FOXN3: variants seen among roughly 807,000 people sequenced by gnomAD.
FOXN3 encodes the protein forkhead box N3.
Under a neutral mutation model 38.4 loss-of-function variants are expected in FOXN3, and 7 were observed. That is an observed-to-expected ratio of 0.18 (90% confidence interval 0.10 to 0.34). The LOEUF (loss-of-function observed/expected upper bound fraction) is 0.34, where lower values mean the gene tolerates loss of function less well. Among genes scored for constraint, FOXN3 ranks in the 10% least tolerant of loss-of-function variants. The probability of loss-of-function intolerance (pLI) is 1.00; values close to 1 mark genes in which losing one functional copy is unlikely to be tolerated. For synonymous variants in FOXN3, 230 were observed against 242.2 expected (o/e 0.95, Z 0.47); for missense variants, 456 against 613.4 (o/e 0.74, Z 2.71).
chr14:89,583,485 A>G (rs768063305), intron 1 of FOXN3, among the ~76,000 whole-genome samples: 2 of 152,096 alleles, frequency 1.3e-5, no homozygotes, highest in Admixed American at 6.5e-5. Flanking sequence ...ACCAGACCCA[A>G]TGCTGGCATT....
chr14:89,267,566 T>C (rs1278198360), intron 4 of FOXN3, among the ~76,000 whole-genome samples: 1 of 152,084 alleles, frequency 6.6e-6, no homozygotes, highest in Non-Finnish European at 1.5e-5. Flanking sequence ...TTAGGAAAAA[T>C]AATAATAATC....
chr14:89,609,151 T>A (rs1896340569), intron 1 of FOXN3, among the ~76,000 whole-genome samples: 1 of 152,090 alleles, frequency 6.6e-6, no homozygotes. Context: ...ATAAAAGAAC[T>A]TGAAAGTGAG....
chr14:89,380,587 A>G (rs891803061), intron 2 of FOXN3, among the ~76,000 whole-genome samples: 2 of 152,206 alleles, frequency 1.3e-5, no homozygotes, highest in Non-Finnish European at 2.9e-5. Flanking sequence ...TGCGCCCAGC[A>G]TGAAGGCGAC....
intron 1 of FOXN3, among the ~76,000 whole-genome samples, chr14:89,532,131 T>G (rs1186272842): frequency 6.6e-6 from 1 of 152,140 alleles, no homozygotes; most frequent in Non-Finnish European, 1.5e-5. Flanking sequence ...GCCTTCCAGG[T>G]GATTCTGATG....
intron 1 of FOXN3, among the ~76,000 whole-genome samples, chr14:89,472,254 CA>C (rs1173781818): frequency 0.028 from 2,989 of 105,416 alleles, 67 homozygotes; most frequent in African/African-American, 0.087. Context: ...GAACCCATCT[CA>C]AAAAAAAAAA....
At chr14:89,291,081 A>C (rs545930128) in intron 3 of FOXN3, 1 of 505,716 alleles carries the variant, frequency 2.0e-6, no homozygotes, top group African/African-American at 2.0e-5. Flanking sequence ...CACACGGTGT[A>C]AATCATGTTT....
intron 1 of FOXN3, among the ~76,000 whole-genome samples, chr14:89,617,776 C>G (rs1344961129): frequency 6.6e-6 from 1 of 152,122 alleles, no homozygotes; most frequent in Non-Finnish European, 1.5e-5. Flanking sequence ...GTATCTCGAG[C>G]AAACTGCACC....
intron 1 of FOXN3, among the ~76,000 whole-genome samples, chr14:89,458,539 C>A (rs1422423518): frequency 6.6e-6 from 1 of 152,214 alleles, no homozygotes; most frequent in Non-Finnish European, 1.5e-5. Context: ...AGGAAAATGA[C>A]CCCATTCCTT....
At position 89,373,374 on chromosome 14, in the gene FOXN3, C is replaced by T. The variant is rs140234236; in HGVS notation, c.544-22566G>A. Among the ~76,000 whole-genome samples, 303 of 143,266 alleles carry T rather than the reference C, an allele frequency of 2.1e-3. 1 individual carries two copies. Among genetic ancestry groups the T allele is most frequent in the African/African-American group, 7.3e-3 (282 of 38,814 alleles). 94.0% of individuals were successfully genotyped at this position (143,266 alleles called of 152,430 possible). On this transcript the variant is annotated intron_variant, in intron 2 of 5. Coordinates refer to ENST00000557258, the MANE Select transcript of FOXN3 (RefSeq NM_005197.4). ...CTGGTTACCTTCCCAGGGTTTTGGC[C>T]TGTTGCTACAGGTCCTGGAGTTATA... is the stretch of plus-strand genomic sequence containing the variant.
intron 1 of FOXN3, among the ~76,000 whole-genome samples, chr14:89,579,585 T>C (rs1895704482): frequency 6.6e-6 from 1 of 152,188 alleles, no homozygotes; most frequent in South Asian, 2.1e-4. Flanking sequence ...GATGGGATCC[T>C]GCCATTTCAT....
At chr14:89,304,388 G>C (rs768657333) in intron 3 of FOXN3, among the ~76,000 whole-genome samples, 1 of 152,126 alleles carries the variant, frequency 6.6e-6, no homozygotes, top group Non-Finnish European at 1.5e-5. Context: ...GCAGAACCGC[G>C]GTGAAGACAG....
Position 89,162,094 on chromosome 14 carries a change from T to G in FOXN3, c.*320A>C. ...ACATCCCTGCGGATTCAGCCACAGG[T>G]TTCTGACAAGCTGGAGGAAGCAATG... On this transcript the variant is annotated 3_prime_UTR_variant, in exon 6 of 6. Coordinates refer to ENST00000557258, the MANE Select transcript of FOXN3 (RefSeq NM_005197.4). This position sits in a 1 kb window ranked among gnomAD's most constrained non-coding sequence, Gnocchi z 7.2. 1 of 209,750 alleles carries G rather than the reference T, an allele frequency of 4.8e-6. No homozygotes were observed. Among genetic ancestry groups the G allele is most frequent in the Non-Finnish European group, 9.5e-6 (1 of 105,734 alleles). The allele number at this position is 209,750 out of a possible 1,614,324, so 13.0% of individuals were successfully genotyped here.
chr14:89,366,060 G>A lies in FOXN3; in HGVS notation c.544-15252C>T, dbSNP rs575761365. 6.6e-5 allele frequency among the ~76,000 whole-genome samples: 10 copies of A among 152,184 alleles called. No individual in the cohort carries two copies. In the South Asian group the frequency reaches 1.9e-3, roughly 28 times the overall value. On this transcript the variant is annotated intron_variant, in intron 2 of 5. Coordinates refer to ENST00000557258, the MANE Select transcript of FOXN3 (RefSeq NM_005197.4). ...AGGTCAGGAGATTGAGACCATCCTG[G>A]CTAACATGGTGAAACCCCGTCTCTA...
chr14:89,446,972 G>A (rs1378619183), intron 1 of FOXN3, among the ~76,000 whole-genome samples: 1 of 152,162 alleles, frequency 6.6e-6, no homozygotes, highest in Non-Finnish European at 1.5e-5. Context: ...CAAGGCGGGT[G>A]GATCACCTGA....
chr14:89,362,746 T>TCCACCA (rs71130063), intron 2 of FOXN3, among the ~76,000 whole-genome samples: 40 of 1,558 alleles, frequency 0.026, 11 homozygotes, highest in Admixed American at 0.043. Context: ...CACCACCATC[T>TCCACCA]CCACCACCAC....
chr14:89,471,442 G>GT (rs1893093006), intron 1 of FOXN3, among the ~76,000 whole-genome samples: 1 of 152,050 alleles, frequency 6.6e-6, no homozygotes, highest in Admixed American at 6.6e-5. Context: ...TATGTCTACA[G>GT]TTTTTTTATA....
intron 1 of FOXN3, among the ~76,000 whole-genome samples, chr14:89,588,371 C>G (rs1895886955): frequency 6.6e-6 from 1 of 151,906 alleles, no homozygotes; most frequent in African/African-American, 2.4e-5. Flanking sequence ...GCAAGAATCA[C>G]CTAATATAGG....
chr14:89,441,611 G>A lies in FOXN3; in HGVS notation c.-14-29121C>T, dbSNP rs149314753. 9.5e-3 allele frequency among the ~76,000 whole-genome samples: 1,453 copies of A among 152,256 alleles called. 19 individuals are homozygous for A. The highest frequency in any genetic ancestry group is 0.015 in the Non-Finnish European group (996 of 68,004). On this transcript the variant is annotated intron_variant, in intron 1 of 6. Coordinates refer to the FOXN3 transcript ENST00000345097. ...GGAACAGAAAGGGCATCATCCTTCC[G>A]CAGGGTTGGACCAAGGGCTACCAGA...
At chr14:89,266,487 T>G (rs28623319) in intron 4 of FOXN3, among the ~76,000 whole-genome samples, 4,708 of 151,856 alleles carry the variant, frequency 0.031, 239 homozygotes, top group African/African-American at 0.11. Context: ...TGGAGGCGGC[T>G]GGGGGGGCGG....
Sources: allele counts gnomAD v4.1 joint callset (sites outside exome capture counted in the v4.1 genomes callset), GRCh38; gene constraint gnomAD v4.1.1; non-coding constraint Gnocchi (gnomAD v3.1); transcripts MANE v1.5; gene names NCBI Gene and HGNC (gene_info 2026-07-23, HGNC 2026-07-21).